CIBAR2: variants seen among roughly 807,000 people sequenced by gnomAD.
CIBAR2 encodes the protein CBY1 interacting BAR domain containing 2.
In CIBAR2, 38 loss-of-function variants were observed where a neutral mutation model predicts 36.2. The observed-to-expected ratio is 1.05, with a 90% CI of 0.81 to 1.38. The LOEUF is 1.38. Ranked by LOEUF, CIBAR2 falls within the 40% of genes most tolerant of loss-of-function variation. The probability of loss-of-function intolerance (pLI) is 0.00; values close to 1 mark genes in which losing one functional copy is unlikely to be tolerated. For synonymous variants in CIBAR2, 182 were observed against 149.5 expected (o/e 1.22, Z -1.58); for missense variants, 481 against 383.4 (o/e 1.25, Z -2.13).
intron 5 of CIBAR2, among the ~76,000 whole-genome samples, chr16:85,107,259 G>A (rs907651413): frequency 6.6e-6 from 1 of 152,070 alleles, no homozygotes; most frequent in African/African-American, 2.4e-5. Context: ...CTACCTCCCG[G>A]CCCCTGCATC....
chr16:85,102,647 A>C (rs77654959), intron 6 of CIBAR2, among the ~76,000 whole-genome samples: 7,831 of 152,230 alleles, frequency 0.051, 259 homozygotes, highest in African/African-American at 0.088. Flanking sequence ...TCCTGTCTCT[A>C]CTAAGTACAT....
At chr16:85,104,638 C>A (rs2073981339) in intron 6 of CIBAR2, among the ~76,000 whole-genome samples, 2 of 152,160 alleles carry the variant, frequency 1.3e-5, no homozygotes, top group African/African-American at 4.8e-5. Flanking sequence ...ATCACTTAAA[C>A]CCGGGAGGCG....
intron 5 of CIBAR2, 101 bp downstream of exon 5, chr16:85,107,566 A>C: frequency 7.6e-7 from 1 of 1,315,294 alleles, no homozygotes; most frequent in Non-Finnish European, 1.1e-6. Flanking sequence ...GGTCCTGCAC[A>C]CACCTGCTTC....
chr16:85,100,095 G>C, intron 8 of CIBAR2, 44 bp downstream of exon 8: 3 of 1,489,146 alleles, frequency 2.0e-6, no homozygotes, highest in Non-Finnish European at 2.8e-6. Flanking sequence ...TCCAGGCCGT[G>C]CACGACATTT....
At chr16:85,110,490 C>G (rs1252576023) in intron 1 of CIBAR2, 30 bp from the exon 2 acceptor site, 2 of 1,532,992 alleles carry the variant, frequency 1.3e-6, no homozygotes, top group South Asian at 1.2e-5. Flanking sequence ...AGCAGCCATT[C>G]TGGGCAGAGA....
Position 85,110,255 on chromosome 16 carries a change from C to G in CIBAR2, c.226G>C (p.Ala76Pro). 6.3e-7 allele frequency: 1 copy of G among 1,589,050 alleles called. No individual in the cohort carries two copies. The highest frequency in any genetic ancestry group is 8.6e-7 in the Non-Finnish European group (1 of 1,164,910). The change falls in exon 2 of 9, where the codon GCC becomes CCC. Residue 76 changes from alanine (A) to proline (P), a missense_variant. Physicochemically the swap from Ala to Pro is conservative, Grantham distance 27. Coordinates refer to ENST00000539556, the MANE Select transcript of CIBAR2 (RefSeq NM_198491.3). ...GCCTGCCGGTAATCCTGCACTTTGG[C>G]CAGGTCCTCAGCGAAGCCCCTCATG... ...ATMRGFAEDL[A>P]KVQDYRQAQV...
At chr16:85,104,441 G>T (rs2073979488) in intron 6 of CIBAR2, among the ~76,000 whole-genome samples, 1 of 152,104 alleles carries the variant, frequency 6.6e-6, no homozygotes, top group Non-Finnish European at 1.5e-5. Context: ...GGCGCGGTGG[G>T]TCACACCTAT....
chr16:85,103,059 G>T (rs1272759999), intron 6 of CIBAR2, among the ~76,000 whole-genome samples: 4 of 152,038 alleles, frequency 2.6e-5, no homozygotes, highest in Non-Finnish European at 5.9e-5. Context: ...GTGCCACCAC[G>T]CCTGGCTAAT....
rs920045698 is a variant in CIBAR2, at chr16:85,112,436, G to C, written c.-84C>G. ...CTGCAGGCCTGGGAGGAGCCGGGCA[G>C]GGCTGGGTGCAGCTGTGTGGCCTGG... On this transcript the variant is annotated 5_prime_UTR_variant, in exon 1 of 9. Coordinates refer to ENST00000539556, the MANE Select transcript of CIBAR2 (RefSeq NM_198491.3). 2.1e-5 allele frequency: 29 copies of C among 1,393,488 alleles called. No homozygotes were observed. Among genetic ancestry groups the C allele is most frequent in the Middle Eastern group, 3.8e-4 (2 of 5,308 alleles). The allele number at this position is 1,393,488 out of a possible 1,614,324, so 86.3% of individuals were successfully genotyped here.
At chr16:85,107,824 C>A (rs1203320938) in intron 4 of CIBAR2, 22 bp downstream of exon 4, 8 of 1,602,472 alleles carry the variant, frequency 5.0e-6, no homozygotes, top group African/African-American at 1.3e-5. Context: ...CAGCCCCAGG[C>A]CCCACTTCCA....
chr16:85,102,403 T>C, intron 6 of CIBAR2, 76 bp from the exon 7 acceptor site: 1 of 885,908 alleles, frequency 1.1e-6, no homozygotes, highest in Non-Finnish European at 1.9e-6. Context: ...TGCAGGCAGA[T>C]GGGGTGGGGG....
intron 6 of CIBAR2, among the ~76,000 whole-genome samples, chr16:85,104,434 G>A (rs779139589): frequency 1.1e-4 from 16 of 152,204 alleles, no homozygotes; most frequent in East Asian, 3.9e-4. Context: ...TGGGGTAGGC[G>A]CGGTGGGTCA....
Position 85,102,250 on chromosome 16 carries a change from C to T in CIBAR2, c.615G>A (p.Gln205=). Residue 205 remains glutamine, a synonymous_variant, in exon 7 of 9, where the codon CAG becomes CAA. Coordinates refer to ENST00000539556, the MANE Select transcript of CIBAR2 (RefSeq NM_198491.3). ...TCTCCAGGTCATACTTCTCCAGGGTCTGGAAGGCGCTAGAATACACCTCCA... is the reference window on the plus strand; with the variant it reads ...TCTCCAGGTCATACTTCTCCAGGGTTTGGAAGGCGCTAGAATACACCTCCA... ...KAVEVYSSAF[Q]TLEKYDLERD... 6.2e-7 allele frequency: 1 copy of T among 1,612,758 alleles called. No individual in the cohort carries two copies. Among genetic ancestry groups the T allele is most frequent in the Non-Finnish European group, 8.5e-7 (1 of 1,178,754 alleles).
Position 85,110,268 on chromosome 16 carries a change from G to T in CIBAR2, c.213C>A (p.Phe71Leu). ...CCTGCACTTTGGCCAGGTCCTCAGC[G>T]AAGCCCCTCATGGTGGCCCGCAGCT... ...NPELRATMRG[F>L]AEDLAKVQDY... is the part of the protein sequence containing the mutation. The change falls in exon 2 of 9, where the codon TTC (phenylalanine) becomes TTA (leucine). Residue 71 changes from phenylalanine (F) to leucine (L), a missense_variant. Phe to Leu is a conservative substitution (Grantham distance 22). Transcript: ENST00000539556. 6.2e-7 allele frequency: 1 copy of T among 1,601,460 alleles called. No homozygotes were observed. Among genetic ancestry groups the T allele is most frequent in the Non-Finnish European group, 8.5e-7 (1 of 1,171,934 alleles).
chr16:85,110,196 G>T (rs1179208200), intron 2 of CIBAR2, 30 bp downstream of exon 2: 1 of 1,507,546 alleles, frequency 6.6e-7, no homozygotes, highest in Admixed American at 2.1e-5. Context: ...GTACCCCTCA[G>T]CATCCCAGAC....
In CIBAR2 at chr16:85,108,109, CG is replaced by C; in HGVS notation, c.256-11del. 1 of 1,604,252 alleles carries C rather than the reference CG, an allele frequency of 6.2e-7. No homozygotes were observed. ...TCTCCAGCCTCTCGACCTGGGGGAGCGGGGACACCAGGGGATCTGAGCGCAG... is the reference window on the plus strand; with the variant it reads ...TCTCCAGCCTCTCGACCTGGGGGAGCGGGACACCAGGGGATCTGAGCGCAG... On this transcript the variant is annotated splice_polypyrimidine_tract_variant and intron_variant, in intron 2 of 8. Transcript: ENST00000539556.
At chr16:85,100,867 G>A (rs1488807848) in intron 7 of CIBAR2, among the ~76,000 whole-genome samples, 1 of 152,150 alleles carries the variant, frequency 6.6e-6, no homozygotes, top group Non-Finnish European at 1.5e-5. Context: ...CTAACACGGT[G>A]AAACCCCGTC....
intron 6 of CIBAR2, among the ~76,000 whole-genome samples, chr16:85,103,187 T>TA (rs554461904): frequency 7.2e-4 from 110 of 152,222 alleles, no homozygotes; most frequent in African/African-American, 2.6e-3. Flanking sequence ...AGTGCCCTTG[T>TA]AAAAAAGACT....
chr16:85,104,206 C>G (rs998518893), intron 6 of CIBAR2, among the ~76,000 whole-genome samples: 2 of 152,226 alleles, frequency 1.3e-5, no homozygotes, highest in African/African-American at 4.8e-5. Context: ...GAGGCACCGA[C>G]TGGACGCAGA....
Sources: gnomAD v4.1 joint callset for allele counts (sites outside exome capture counted in the v4.1 genomes callset) on GRCh38, gnomAD v4.1.1 for gene constraint, MANE v1.5 for transcripts, NCBI Gene and HGNC (gene_info 2026-07-23, HGNC 2026-07-21) for gene names.